KCNIP1: variants seen among roughly 807,000 people sequenced by gnomAD.
KCNIP1 encodes potassium voltage-gated channel interacting protein 1, also known as A-type potassium channel modulatory protein KCNIP1.
In KCNIP1, 18 loss-of-function variants were observed where a neutral mutation model predicts 33.0. That is an observed-to-expected ratio of 0.55 (90% CI 0.38 to 0.81). The LOEUF (loss-of-function observed/expected upper bound fraction) is 0.81. Ranked by LOEUF, KCNIP1 falls within the 30% of genes least tolerant of loss-of-function variation. The probability of loss-of-function intolerance (pLI) is 0.00; values close to 1 mark genes in which losing one functional copy is unlikely to be tolerated. For synonymous variants in KCNIP1, 93 were observed against 98.3 expected (o/e 0.95, Z 0.32); for missense variants, 238 against 271.6 (o/e 0.88, Z 0.87).
At chr5:170,446,874 T>C (rs187756274) in intron 1 of KCNIP1, among the ~76,000 whole-genome samples, 2 of 152,352 alleles carry the variant, frequency 1.3e-5, no homozygotes, top group African/African-American at 4.8e-5. Flanking sequence ...CTGGGGATCC[T>C]GTGAAAAGAC....
At chr5:170,542,357 C>A (rs1159105733) in intron 1 of KCNIP1, among the ~76,000 whole-genome samples, 4 of 152,194 alleles carry the variant, frequency 2.6e-5, no homozygotes, top group South Asian at 2.1e-4. Flanking sequence ...ATCACTTGAA[C>A]TCTCTAGACC....
At chr5:170,715,433 G>C (rs957109117) in intron 1 of KCNIP1, among the ~76,000 whole-genome samples, 2 of 152,182 alleles carry the variant, frequency 1.3e-5, no homozygotes, top group African/African-American at 4.8e-5. Flanking sequence ...ACACTCAGAA[G>C]AGTCTATGAT....
chr5:170,731,971 G>A (rs981900618), intron 5 of KCNIP1, among the ~76,000 whole-genome samples: 1 of 151,914 alleles, frequency 6.6e-6, no homozygotes, highest in Non-Finnish European at 1.5e-5. Flanking sequence ...TTAATTTCCT[G>A]GGTTTGGTCA....
intron 1 of KCNIP1, among the ~76,000 whole-genome samples, chr5:170,418,300 A>G (rs1184261743): frequency 6.6e-6 from 1 of 152,152 alleles, no homozygotes; most frequent in African/African-American, 2.4e-5. Flanking sequence ...GCAGGGTGGC[A>G]TGCACCTGTA....
chr5:170,728,059 T>C (rs1485712927), intron 5 of KCNIP1, among the ~76,000 whole-genome samples: 4 of 152,228 alleles, frequency 2.6e-5, no homozygotes, highest in South Asian at 2.1e-4. Flanking sequence ...CATTAATATA[T>C]CAAAAGATCA....
At chr5:170,604,036 T>C (rs1041639044) in intron 1 of KCNIP1, among the ~76,000 whole-genome samples, 23 of 151,406 alleles carry the variant, frequency 1.5e-4, no homozygotes, top group Non-Finnish European at 5.9e-5. Flanking sequence ...GAGGCAAGAG[T>C]TGACAAAACT....
chr5:170,467,414 G>A (rs1756631026), intron 1 of KCNIP1, among the ~76,000 whole-genome samples: 1 of 152,160 alleles, frequency 6.6e-6, no homozygotes, highest in South Asian at 2.1e-4. Flanking sequence ...TAAGAAAGTT[G>A]GAGGATCTTC....
chr5:170,639,563 T>C (rs1270543060), intron 1 of KCNIP1: 1 of 152,248 alleles, frequency 6.6e-6, no homozygotes, highest in African/African-American at 2.4e-5. Context: ...AGAATGGAGA[T>C]GACCACAGGG....
chr5:170,714,228 G>T (rs1396189544), intron 1 of KCNIP1, among the ~76,000 whole-genome samples: 2 of 152,168 alleles, frequency 1.3e-5, no homozygotes, highest in African/African-American at 4.8e-5. Flanking sequence ...CAAGCACACA[G>T]CTTCGTAGGA....
At chr5:170,493,378 G>A (rs1037277446) in intron 1 of KCNIP1, among the ~76,000 whole-genome samples, 10 of 152,176 alleles carry the variant, frequency 6.6e-5, no homozygotes, top group African/African-American at 1.9e-4. Flanking sequence ...CTAGATCTGC[G>A]TAGAAGTTGG....
At chr5:170,540,852 G>C (rs1316093177) in intron 1 of KCNIP1, among the ~76,000 whole-genome samples, 1 of 152,158 alleles carries the variant, frequency 6.6e-6, no homozygotes, top group Non-Finnish European at 1.5e-5. Context: ...ACTTCCCCTG[G>C]TAGAGAAGGT....
intron 1 of KCNIP1, chr5:170,382,560 C>T (rs747935841): frequency 2.0e-5 from 3 of 152,258 alleles, no homozygotes; most frequent in East Asian, 1.9e-4. Context: ...CGCCATGCCT[C>T]GTCCTATAGG....
At chr5:170,666,623 GT>G (rs1300704656) in intron 1 of KCNIP1, among the ~76,000 whole-genome samples, 5 of 152,214 alleles carry the variant, frequency 3.3e-5, no homozygotes, top group Admixed American at 1.3e-4. Context: ...GAAATCCAGC[GT>G]TAACATTTTG....
At chr5:170,503,404 A>AG (rs1554096864), upstream of KCNIP1, among the ~76,000 whole-genome samples, 8 of 151,130 alleles carry the variant, frequency 5.3e-5, 1 homozygote, top group South Asian at 6.3e-4. Context: ...AAAAAAAAAA[A>AG]AAAAAGAAAA....
chr5:170,720,505 T>C (rs1697853625), intron 3 of KCNIP1, 115 bp downstream of exon 3: 1 of 812,024 alleles, frequency 1.2e-6, no homozygotes, highest in Non-Finnish European at 2.1e-6. Context: ...AGAGACAAAC[T>C]CAGGGCAGGA....
At chr5:170,532,814 A>G (rs1755830770) in intron 1 of KCNIP1, among the ~76,000 whole-genome samples, 1 of 151,988 alleles carries the variant, frequency 6.6e-6, no homozygotes, top group Non-Finnish European at 1.5e-5. Context: ...GACAAGCAAC[A>G]AACTCCCAGT....
At chr5:170,514,973 A>G (rs902760697) in intron 1 of KCNIP1, among the ~76,000 whole-genome samples, 1 of 152,210 alleles carries the variant, frequency 6.6e-6, no homozygotes, top group African/African-American at 2.4e-5. Flanking sequence ...AGGTAGTGTG[A>G]TTATTCCCAT....
intron 1 of KCNIP1, among the ~76,000 whole-genome samples, chr5:170,683,448 T>C (rs1282268592): frequency 6.6e-6 from 1 of 152,222 alleles, no homozygotes; most frequent in Non-Finnish European, 1.5e-5. Context: ...AGTAATCCAG[T>C]TCCAGATGGG....
intron 1 of KCNIP1, among the ~76,000 whole-genome samples, chr5:170,407,121 C>T (rs895719962): frequency 3.3e-5 from 5 of 152,170 alleles, no homozygotes; most frequent in African/African-American, 9.7e-5. Context: ...GTCTGTGGTG[C>T]GCATGGTGGG....
Sources: allele counts gnomAD v4.1 joint callset (sites outside exome capture counted in the v4.1 genomes callset), GRCh38; gene constraint gnomAD v4.1.1; transcripts MANE v1.5; gene names NCBI Gene and HGNC (gene_info 2026-07-23, HGNC 2026-07-21).